SHB: variants seen among roughly 807,000 people sequenced by gnomAD.
SHB encodes SH2 domain-containing adapter protein B.
A neutral mutation model predicts 52.3 loss-of-function variants in SHB; 20 were observed. The observed-to-expected ratio is 0.38, with a 90% CI of 0.27 to 0.56. The LOEUF (loss-of-function observed/expected upper bound fraction) is 0.56, where lower values mean the gene tolerates loss of function less well. Among genes scored for constraint, SHB ranks in the 20% least tolerant of loss-of-function variants. The probability of loss-of-function intolerance (pLI) is 0.71; values close to 1 mark genes in which losing one functional copy is unlikely to be tolerated. For synonymous variants in SHB, 397 were observed against 316.5 expected (o/e 1.25, Z -2.70); for missense variants, 825 against 723.3 (o/e 1.14, Z -1.61).
At chr9:38,003,848 G>C (rs1174383426) in intron 2 of SHB, among the ~76,000 whole-genome samples, 1 of 152,224 alleles carries the variant, frequency 6.6e-6, no homozygotes, top group African/African-American at 2.4e-5. Flanking sequence ...GCAAATCCTA[G>C]AAGAGGTCAA....
intron 5 of SHB, among the ~76,000 whole-genome samples, chr9:37,926,382 G>A (rs113842756): frequency 0.014 from 2,122 of 152,254 alleles, 20 homozygotes; most frequent in South Asian, 0.027. Flanking sequence ...AGCAACACTA[G>A]TGCTAGAAGA....
At chr9:37,941,346 A>G (rs1832432305) in intron 5 of SHB, among the ~76,000 whole-genome samples, 2 of 152,262 alleles carry the variant, frequency 1.3e-5, no homozygotes, top group African/African-American at 4.8e-5. Context: ...GTCTTCATTA[A>G]TACACCTGTG....
chr9:38,060,099 C>T (rs932019036), intron 1 of SHB, among the ~76,000 whole-genome samples: 5 of 152,186 alleles, frequency 3.3e-5, no homozygotes, highest in African/African-American at 1.2e-4. Flanking sequence ...GGTAGTATGG[C>T]ACAGTGGTTA....
At chr9:37,931,673 A>C (rs1262610726) in intron 5 of SHB, among the ~76,000 whole-genome samples, 1 of 152,244 alleles carries the variant, frequency 6.6e-6, no homozygotes, top group Admixed American at 6.5e-5. Flanking sequence ...ATTATGGAAA[A>C]GAGTAAAGAG....
intron 2 of SHB, chr9:38,015,421 G>T: frequency 1.4e-6 from 1 of 703,114 alleles, no homozygotes; most frequent in South Asian, 1.5e-5. Flanking sequence ...ACAAGGTTTT[G>T]TCATCAAGGG....
intron 4 of SHB, among the ~76,000 whole-genome samples, chr9:37,954,431 T>C (rs971031161): frequency 2.6e-5 from 4 of 151,282 alleles, no homozygotes; most frequent in African/African-American, 9.7e-5. Context: ...GCCTCATGTG[T>C]GCCTACTCCA....
intron 2 of SHB, among the ~76,000 whole-genome samples, chr9:37,996,442 C>G (rs1172982078): frequency 6.6e-6 from 1 of 152,216 alleles, no homozygotes; most frequent in Non-Finnish European, 1.5e-5. Flanking sequence ...GAGGCCTGTA[C>G]GTGTGCAGAA....
At chr9:38,041,983 G>T (rs181525450) in intron 1 of SHB, among the ~76,000 whole-genome samples, 1 of 152,254 alleles carries the variant, frequency 6.6e-6, no homozygotes, top group Non-Finnish European at 1.5e-5. Context: ...ATCTCATGAG[G>T]AAGTCATTAG....
chr9:37,982,060 A>C (rs558058640), intron 2 of SHB, among the ~76,000 whole-genome samples: 1 of 152,148 alleles, frequency 6.6e-6, no homozygotes, highest in East Asian at 1.9e-4. Flanking sequence ...TGATAGACTT[A>C]CTTGAAGGAA....
At chr9:37,940,327 C>T (rs760272872) in intron 5 of SHB, among the ~76,000 whole-genome samples, 2 of 152,220 alleles carry the variant, frequency 1.3e-5, no homozygotes, top group Non-Finnish European at 2.9e-5. Context: ...CTCACAGTGT[C>T]CCCTCAATGG....
chr9:38,067,909 G>A lies in SHB; in HGVS notation c.717+20C>T, dbSNP rs1014513825. On this transcript the variant is annotated intron_variant, in intron 1 of 5. Transcript: ENST00000377707. ...CACCGTGGCTCTGGAACCTCGGGAA[G>A]AGGCCAAGGGGCACCTTACCTTGTC... is the stretch of plus-strand genomic sequence containing the variant. 9 of 1,453,452 alleles carry A rather than the reference G, an allele frequency of 6.2e-6. No homozygotes were observed. Among genetic ancestry groups the A allele is most frequent in the Non-Finnish European group, 5.4e-6 (6 of 1,114,934 alleles). 90.0% of individuals were successfully genotyped at this position (1,453,452 alleles called of 1,614,324 possible).
In SHB at chr9:37,989,486, A is replaced by T. The variant is rs1820855450; in HGVS notation, c.839-14649T>A. On this transcript the variant is annotated intron_variant, in intron 2 of 5. Coordinates refer to ENST00000377707, the MANE Select transcript of SHB (RefSeq NM_003028.3). ...ACCTGCCAGGGGTCAACCAAAATTT[A>T]ACAAAAAGGACTAACAGCAAGACTC... is the stretch of plus-strand genomic sequence containing the variant. Among the ~76,000 whole-genome samples the T allele has an allele frequency of 3.3e-5, 5 of 152,268 alleles. No individual in the cohort carries two copies. The South Asian group carries it at 1.0e-3, about 32-fold the overall frequency.
intron 2 of SHB, among the ~76,000 whole-genome samples, chr9:38,014,598 G>T (rs553071778): frequency 1.9e-4 from 29 of 152,254 alleles, no homozygotes; most frequent in Non-Finnish European, 4.0e-4. Flanking sequence ...AGGCTGCTTT[G>T]CCAGAGGAGA....
At position 38,068,809 on chromosome 9, in the gene SHB, C is replaced by T; in HGVS notation, c.-164G>A. On this transcript the variant is annotated 5_prime_UTR_variant, in exon 1 of 6. Transcript: ENST00000377707. Reference sequence around the variant, plus strand: ...TTCAAGTTCTTGCCGCCGCCGCCTCCTGCCGGCAGCTCTCTGGCTCCGGCG... The same window carrying T: ...TTCAAGTTCTTGCCGCCGCCGCCTCTTGCCGGCAGCTCTCTGGCTCCGGCG... The T allele has an allele frequency of 6.0e-6, 1 of 166,414 alleles. No homozygotes were observed. The allele number at this position is 166,414 out of a possible 1,614,324, so 10.3% of individuals were successfully genotyped here.
At chr9:38,060,866 C>T (rs1200101546) in intron 1 of SHB, among the ~76,000 whole-genome samples, 2 of 152,214 alleles carry the variant, frequency 1.3e-5, no homozygotes, top group Non-Finnish European at 2.9e-5. Context: ...ACCTTGGTTC[C>T]TGTGTCCTCA....
intron 3 of SHB, among the ~76,000 whole-genome samples, chr9:37,963,050 C>T (rs6476666): frequency 0.58 from 88,684 of 152,114 alleles, 26,089 homozygotes; most frequent in East Asian, 0.81. Flanking sequence ...GGGACTGCAG[C>T]CCTGGGCAGC....
At chr9:37,986,726 C>G (rs1382873926) in intron 2 of SHB, among the ~76,000 whole-genome samples, 1 of 152,200 alleles carries the variant, frequency 6.6e-6, no homozygotes, top group Admixed American at 6.5e-5. Context: ...TGAGCAGGGG[C>G]TGGGCTAGCA....
At chr9:38,027,855 G>A (rs1215681931) in intron 1 of SHB, among the ~76,000 whole-genome samples, 2 of 152,064 alleles carry the variant, frequency 1.3e-5, no homozygotes, top group Non-Finnish European at 1.5e-5. Flanking sequence ...AGAAGGGACA[G>A]GGTGGGTCTT....
intron 3 of SHB, among the ~76,000 whole-genome samples, chr9:37,961,887 G>A (rs1481766010): frequency 1.3e-5 from 2 of 152,180 alleles, no homozygotes; most frequent in African/African-American, 4.8e-5. Context: ...GCAGAGATGG[G>A]GCCATGTGCC....
Sources: gnomAD v4.1 joint callset for allele counts (sites outside exome capture counted in the v4.1 genomes callset) on GRCh38, gnomAD v4.1.1 for gene constraint, MANE v1.5 for transcripts, NCBI Gene and HGNC (gene_info 2026-07-23, HGNC 2026-07-21) for gene names.